Variants in GFY observed in about 807,000 individuals in gnomAD.
The protein encoded by GFY is Golgi-associated olfactory signaling regulator.
Under a neutral mutation model 29.1 loss-of-function variants are expected in GFY, and 28 were observed. That is an observed-to-expected ratio of 0.96 (90% CI 0.71 to 1.32). The LOEUF is 1.32. Among genes scored for constraint, GFY ranks in the 40% most tolerant of loss-of-function variants. The pLI is 0.00. For synonymous variants in GFY, 277 were observed against 274.5 expected, an observed-to-expected ratio of 1.01 and a Z score of -0.09; for missense variants, 656 against 661.9, an observed-to-expected ratio of 0.99 and a Z score of 0.10.
intron 3 of GFY, 123 bp downstream of exon 3, chr19:49,428,242 C>A: frequency 8.3e-7 from 1 of 1,208,464 alleles, no homozygotes; most frequent in Non-Finnish European, 1.1e-6. Flanking sequence ...CTGGCTCTTC[C>A]ATGGCAACGT....
In GFY at chr19:49,426,656, G is replaced by C; in HGVS notation, c.226G>C (p.Val76Leu). The C allele has an allele frequency of 6.5e-7, 1 of 1,535,648 alleles. No homozygotes were observed. Among genetic ancestry groups the C allele is most frequent in the African/African-American group, 1.4e-5 (1 of 72,888 alleles). The change falls in exon 2 of 4, where the codon GTT becomes CTT. Residue 76 changes from valine (V) to leucine (L), a missense_variant. By Grantham distance (32) the Val-to-Leu change is conservative. Coordinates refer to ENST00000610896, the MANE Select transcript of GFY (RefSeq NM_001195256.2). ...TGAGCCTTCCAAGCTACCTCATACG[G>C]TTTCCCTGGAAACCTTCCCACTTGA... ...YPEPSKLPHT[V>L]SLETFPLDFT... is the part of the protein sequence containing the mutation.
At position 49,428,106 on chromosome 19, in the gene GFY, C is replaced by T; in HGVS notation, c.1344C>T (p.Asp448=). ...RPFAHHRLPD[D]GDEPVLHLDA... ...TCGCACATCACCGGCTTCCGGACGA[C>T]GGAGATGAACCGGGTGAGCGCCCTG... is the stretch of plus-strand genomic sequence containing the variant. The change falls in exon 3 of 4, where the codon GAC becomes GAT. Residue 448 remains aspartate, a synonymous_variant. Transcript: ENST00000610896. 6.5e-7 allele frequency: 1 copy of T among 1,532,398 alleles called. No individual in the cohort carries two copies. The highest frequency in any genetic ancestry group is 8.7e-7 in the Non-Finnish European group (1 of 1,143,786). 94.9% of individuals were successfully genotyped at this position (1,532,398 alleles called of 1,614,324 possible).
In GFY at chr19:49,426,695, C is replaced by T. The variant is rs1177328655; in HGVS notation, c.265C>T (p.Leu89Phe). The T allele has an allele frequency of 4.6e-6, 7 of 1,536,068 alleles. No homozygotes were observed. The highest frequency in any genetic ancestry group is 6.1e-6 in the Non-Finnish European group (7 of 1,146,890). The change falls in exon 2 of 4, where the codon CTC becomes TTC. Residue 89 changes from leucine (L) to phenylalanine (F), a missense_variant. Coordinates refer to ENST00000610896, the MANE Select transcript of GFY (RefSeq NM_001195256.2). ...ETFPLDFTEP[L>F]NPDLRETPHP... ...CTTCCCACTTGACTTCACTGAGCCCCTCAACCCTGACCTCCGAGAAACCCC... is the reference window on the plus strand; with the variant it reads ...CTTCCCACTTGACTTCACTGAGCCCTTCAACCCTGACCTCCGAGAAACCCC...
upstream of GFY, among the ~76,000 whole-genome samples, chr19:49,424,998 G>A (rs957398702): frequency 6.6e-6 from 1 of 152,084 alleles, no homozygotes; most frequent in Non-Finnish European, 1.5e-5. Flanking sequence ...GAGTCTAAGA[G>A]TGGATGGGAC....
rs1035621158 is a variant in GFY, at chr19:49,427,939, C to G, written c.1184-7C>G. The G allele has an allele frequency of 3.4e-5, 52 of 1,528,446 alleles. No homozygotes were observed. The highest frequency in any genetic ancestry group is 1.8e-4 in the Middle Eastern group (1 of 5,702). The allele number at this position is 1,528,446 out of a possible 1,614,324, so 94.7% of individuals were successfully genotyped here. A position where few individuals can be genotyped will look rare whatever the true frequency, so the allele number is the denominator to read the frequency against. ...TAGGAGCTTAGATTGCTGGTATCCC[C>G]CTTCAGGCGTGACTCTGGTGGGGCG... On this transcript the variant is annotated splice_polypyrimidine_tract_variant and splice_region_variant and intron_variant, in intron 2 of 3. Coordinates refer to ENST00000610896, the MANE Select transcript of GFY (RefSeq NM_001195256.2).
rs1394568196 is a variant in GFY, at chr19:49,427,044, C to T, written c.614C>T (p.Pro205Leu). ...CTCCCCGAGACCTCAAACACTAACC[C>T]TACCAAGACCCCTGACCCCAAATCC... is the stretch of plus-strand genomic sequence containing the variant. The part of the protein sequence containing the change: ...AELPETSNTN[P>L]TKTPDPKSPE... The change falls in exon 2 of 4, where the codon CCT becomes CTT. Residue 205 changes from proline to leucine, a missense_variant. By Grantham distance (98) the Pro-to-Leu change is moderately conservative. Transcript: ENST00000610896. 6.5e-7 allele frequency: 1 copy of T among 1,535,724 alleles called. No homozygotes were observed. The highest frequency in any genetic ancestry group is 2.4e-5 in the East Asian group (1 of 40,892).
intron 3 of GFY, 135 bp from the exon 4 acceptor site, chr19:49,428,484 T>G (rs1291497713): frequency 1.5e-6 from 1 of 662,126 alleles, no homozygotes; most frequent in Non-Finnish European, 2.3e-6. Flanking sequence ...TATTGAAAAC[T>G]CAGTTCAAAT....
intron 2 of GFY, 111 bp from the exon 3 acceptor site, chr19:49,427,835 G>A: frequency 1.5e-6 from 2 of 1,363,832 alleles, no homozygotes; most frequent in Non-Finnish European, 2.0e-6. Context: ...GAGGGAGAAG[G>A]GTTTGGGAAC....
At chr19:49,423,859 G>A (rs1269876646), upstream of GFY, 3 of 153,834 alleles carry the variant, frequency 2.0e-5, no homozygotes, top group Admixed American at 6.5e-5. Flanking sequence ...CAAGAAAAGA[G>A]AGCGAAGGAG....
Position 49,427,226 on chromosome 19 carries a change from T to A in GFY, c.796T>A (p.Tyr266Asn). The change falls in exon 2 of 4, where the codon TAC (tyrosine) becomes AAC (asparagine). Residue 266 changes from tyrosine (Y) to asparagine (N), a missense_variant. Coordinates refer to ENST00000610896, the MANE Select transcript of GFY (RefSeq NM_001195256.2). ...ISQTEFPTTY[Y>N]QNATDVPRTS... is the part of the protein sequence containing the mutation. The stretch of plus-strand genomic sequence containing the variant: ...CCAAACAGAATTCCCCACAACCTAC[T>A]ACCAAAATGCAACAGATGTACCCAG... 6.5e-7 allele frequency: 1 copy of A among 1,535,766 alleles called. No homozygotes were observed. The highest frequency in any genetic ancestry group is 8.7e-7 in the Non-Finnish European group (1 of 1,146,836).
rs1181118219 is a variant in GFY at position 49,428,754 on chromosome 19, G to A, written c.1493G>A (p.Arg498His). The change falls in exon 4 of 4, where the codon CGC (arginine) becomes CAC (histidine). Residue 498 changes from arginine to histidine, a missense_variant. Transcript: ENST00000610896. ...CCACCAAAGCTGCCCCCGCCGCCCC[G>A]CGGGGGTCGCCCGCAGCGTCTGGAG... is the stretch of plus-strand genomic sequence containing the variant. ...PLPPKLPPPP[R>H]GGRPQRLEAL... 3.3e-6 allele frequency: 5 copies of A among 1,512,506 alleles called. No homozygotes were observed. The highest frequency in any genetic ancestry group is 3.5e-6 in the Non-Finnish European group (4 of 1,135,554). The allele number at this position is 1,512,506 out of a possible 1,614,324, so 93.7% of individuals were successfully genotyped here.
Position 49,428,048 on chromosome 19 carries a change from G to C in GFY, c.1286G>C (p.Cys429Ser). 6.5e-7 allele frequency: 1 copy of C among 1,535,812 alleles called. No individual in the cohort carries two copies. The highest frequency in any genetic ancestry group is 8.7e-7 in the Non-Finnish European group (1 of 1,146,642). Residue 429 changes from cysteine to serine, a missense_variant, in exon 3 of 4, where the codon TGT becomes TCT. Physicochemically the swap from Cys to Ser is moderately radical, Grantham distance 112. Transcript: ENST00000610896. ...LLIGIFVLLWCLYRRAARQRP... is the reference protein window; with the variant it reads ...LLIGIFVLLWSLYRRAARQRP... The stretch of plus-strand genomic sequence containing the variant: ...ATCGGCATCTTTGTGCTGCTGTGGT[G>C]TCTTTACCGCCGGGCAGCTAGACAG...
Position 49,427,177 on chromosome 19 carries a change from C to G in GFY, c.747C>G (p.His249Gln). 6.5e-7 allele frequency: 1 copy of G among 1,536,008 alleles called. No individual in the cohort carries two copies. Among genetic ancestry groups the G allele is most frequent in the Non-Finnish European group, 8.7e-7 (1 of 1,146,886 alleles). ...CCCACCCAGAATCCCATGTGACCCA[C>G]AATCCCAGCCCCACCGAAATTTCCC... ...KTPHPESHVT[H>Q]NPSPTEISQT... The change falls in exon 2 of 4, where the codon CAC (histidine) becomes CAG (glutamine). Residue 249 changes from histidine (H) to glutamine (Q), a missense_variant. His to Gln is a conservative substitution (Grantham distance 24, BLOSUM62 0). Coordinates refer to ENST00000610896, the MANE Select transcript of GFY (RefSeq NM_001195256.2).
At chr19:49,424,778 T>C (rs1266221486), upstream of GFY, among the ~76,000 whole-genome samples, 2 of 150,844 alleles carry the variant, frequency 1.3e-5, no homozygotes, top group Non-Finnish European at 2.9e-5. Context: ...GAGGTTGCAG[T>C]GAGCTGAGAT....
At chr19:49,428,197 A>C in intron 3 of GFY, 78 bp downstream of exon 3, 2 of 1,465,332 alleles carry the variant, frequency 1.4e-6, no homozygotes, top group Non-Finnish European at 1.8e-6. Context: ...CCAGCCAAAA[A>C]AGCACAGGTC....
upstream of GFY, among the ~76,000 whole-genome samples, chr19:49,425,250 T>G (rs1453269986): frequency 1.3e-5 from 2 of 152,056 alleles, no homozygotes; most frequent in East Asian, 3.9e-4. Context: ...ACATCTCCAC[T>G]AGATCAATCC....
rs1180332329 is a variant in GFY at position 49,428,007 on chromosome 19, G to C, written c.1245G>C (p.Ala415=). ...AAGGALCLFF[A]GTALLIGIFV... is the part of the protein sequence containing the mutation. The stretch of plus-strand genomic sequence containing the variant: ...GCGGGGCCCTCTGCCTGTTCTTCGC[G>C]GGGACCGCGCTGCTGATCGGCATCT... Residue 415 remains alanine, a synonymous_variant, in exon 3 of 4, where the codon GCG becomes GCC. Coordinates refer to ENST00000610896, the MANE Select transcript of GFY (RefSeq NM_001195256.2). The C allele has an allele frequency of 3.1e-5, 48 of 1,535,842 alleles. No homozygotes were observed. Among genetic ancestry groups the C allele is most frequent in the Middle Eastern group, 1.7e-4 (1 of 6,010 alleles).
Position 49,428,726 on chromosome 19 carries a change from C to T in GFY, c.1465C>T (p.Leu489=). 6.5e-7 allele frequency: 1 copy of T among 1,529,264 alleles called. No individual in the cohort carries two copies. Among genetic ancestry groups the T allele is most frequent in the Non-Finnish European group, 8.7e-7 (1 of 1,143,364 alleles). 94.7% of individuals were successfully genotyped at this position (1,529,264 alleles called of 1,614,324 possible). A position where few individuals can be genotyped will look rare whatever the true frequency, so the allele number is the denominator to read the frequency against. The change falls in exon 4 of 4, where the codon CTG becomes TTG. Residue 489 remains leucine, a synonymous_variant. Transcript: ENST00000610896. ...ATKQPPPTPP[L]PPKLPPPPRG... is the part of the protein sequence containing the mutation. Reference sequence around the variant, plus strand: ...CAAGCAGCCCCCGCCCACACCTCCTCTGCCACCAAAGCTGCCCCCGCCGCC... The same window carrying T: ...CAAGCAGCCCCCGCCCACACCTCCTTTGCCACCAAAGCTGCCCCCGCCGCC...
chr19:49,425,842 G>A (rs1213460054), intron 1 of GFY, among the ~76,000 whole-genome samples: 1 of 152,020 alleles, frequency 6.6e-6, no homozygotes, highest in Non-Finnish European at 1.5e-5. Context: ...TGAACTTCCA[G>A]CCTTCTCCTC....
Sources: gnomAD v4.1 joint callset for allele counts (sites outside exome capture counted in the v4.1 genomes callset) on GRCh38, gnomAD v4.1.1 for gene constraint, MANE v1.5 for transcripts, NCBI Gene and HGNC (gene_info 2026-07-23, HGNC 2026-07-21) for gene names.